CAMTA1: variants seen among roughly 807,000 people sequenced by gnomAD.
CAMTA1 encodes the protein calmodulin-binding transcription activator 1.
In CAMTA1, 27 loss-of-function variants were observed where a neutral mutation model predicts 170.9. The ratio of observed to expected loss-of-function variants is 0.16; its 90% CI spans 0.12 to 0.22. The LOEUF (loss-of-function observed/expected upper bound fraction) is 0.22, where lower values mean the gene tolerates loss of function less well. CAMTA1 is among the 10% of genes least tolerant of loss of function. The pLI is 1.00. For synonymous variants in CAMTA1, 833 were observed against 891.5 expected (o/e 0.93, Z 1.17); for missense variants, 1,619 against 2,217.2 (o/e 0.73, Z 5.42).
chr1:7,542,645 G>T (rs1196332528), intron 6 of CAMTA1, among the ~76,000 whole-genome samples: 2 of 91,616 alleles, frequency 2.2e-5, no homozygotes, highest in East Asian at 6.6e-4. Flanking sequence ...TTACAGGTGT[G>T]TGCCTCCTGA....
At chr1:6,903,422 C>G (rs1677576121) in intron 3 of CAMTA1, among the ~76,000 whole-genome samples, 1 of 152,090 alleles carries the variant, frequency 6.6e-6, no homozygotes, top group Non-Finnish European at 1.5e-5. Context: ...TATTTAAAAC[C>G]CACTTTTACA....
At chr1:6,922,830 C>A (rs1258218410) in intron 3 of CAMTA1, among the ~76,000 whole-genome samples, 2 of 151,702 alleles carry the variant, frequency 1.3e-5, no homozygotes, top group Non-Finnish European at 2.9e-5. Flanking sequence ...TCCAAAGCGC[C>A]CTAGGGAGGG....
intron 4 of CAMTA1, among the ~76,000 whole-genome samples, chr1:7,103,479 CTA>C (rs1643021830): frequency 6.9e-6 from 1 of 144,636 alleles, no homozygotes; most frequent in Admixed American, 6.9e-5. Flanking sequence ...ACAACACACA[CTA>C]CACACGTACA....
chr1:6,992,227 G>T (rs1487294354), intron 3 of CAMTA1, among the ~76,000 whole-genome samples: 1 of 151,828 alleles, frequency 6.6e-6, no homozygotes, highest in Non-Finnish European at 1.5e-5. Flanking sequence ...ACACCACCAG[G>T]CCGGCTAATT....
At chr1:6,832,317 T>G (rs981494958) in intron 3 of CAMTA1, among the ~76,000 whole-genome samples, 1 of 152,292 alleles carries the variant, frequency 6.6e-6, no homozygotes, top group African/African-American at 2.4e-5. Flanking sequence ...GCTCAAGCAA[T>G]CTGCTTGCCT....
At chr1:7,418,865 G>A (rs2091374322) in intron 5 of CAMTA1, among the ~76,000 whole-genome samples, 1 of 152,084 alleles carries the variant, frequency 6.6e-6, no homozygotes, top group African/African-American at 2.4e-5. Flanking sequence ...GCATGCTGCC[G>A]GGACCCGAAT....
At chr1:7,666,696 C>T (rs1558089768) in intron 9 of CAMTA1, among the ~76,000 whole-genome samples, 1 of 152,192 alleles carries the variant, frequency 6.6e-6, no homozygotes, top group Non-Finnish European at 1.5e-5. Context: ...GGCTGGAGAA[C>T]ACCAAAGAAG....
At chr1:6,898,106 T>A (rs1676054491) in intron 3 of CAMTA1, among the ~76,000 whole-genome samples, 1 of 152,244 alleles carries the variant, frequency 6.6e-6, no homozygotes, top group African/African-American at 2.4e-5. Context: ...GTCTTGGTAC[T>A]TCAGTTGGCT....
At chr1:7,597,742 C>A (rs926908888) in intron 6 of CAMTA1, among the ~76,000 whole-genome samples, 2 of 152,078 alleles carry the variant, frequency 1.3e-5, no homozygotes, top group Non-Finnish European at 2.9e-5. Flanking sequence ...TGCATAAGAC[C>A]TTCAATGATT....
chr1:7,085,819 C>T (rs1640661671), intron 3 of CAMTA1, among the ~76,000 whole-genome samples: 1 of 152,216 alleles, frequency 6.6e-6, no homozygotes, highest in African/African-American at 2.4e-5. Context: ...TCTATCAAAA[C>T]CCATCAGCTT....
rs762565840 is a variant in CAMTA1 at position 7,696,220 on chromosome 1, G to A, written c.2914+18487G>A. On this transcript the variant is annotated intron_variant, in intron 11 of 22. Coordinates refer to ENST00000303635, the MANE Select transcript of CAMTA1 (RefSeq NM_015215.4). ...GCTGTTTTGTTTTGTTTTTTGATAC[G>A]GAGTCTCACACTGTCACCCAGGCCA... Among the ~76,000 whole-genome samples the A allele has an allele frequency of 1.9e-4, 29 of 151,814 alleles. 1 individual carries two copies. The highest frequency in any genetic ancestry group is 2.6e-4 in the Non-Finnish European group (18 of 67,974).
chr1:7,499,139 CGTGT>C (rs2093913485), intron 6 of CAMTA1, among the ~76,000 whole-genome samples: 1 of 117,122 alleles, frequency 8.5e-6, no homozygotes, highest in African/African-American at 3.2e-5. Flanking sequence ...TCCTGGTGTG[CGTGT>C]GTACGTATAT....
At chr1:7,049,055 A>G (rs1320903921) in intron 3 of CAMTA1, among the ~76,000 whole-genome samples, 3 of 152,256 alleles carry the variant, frequency 2.0e-5, no homozygotes, top group Admixed American at 6.5e-5. Flanking sequence ...GATACGGTAC[A>G]TGAGGAAAAT....
intron 6 of CAMTA1, among the ~76,000 whole-genome samples, chr1:7,568,338 A>T (rs1208985623): frequency 6.8e-6 from 1 of 147,718 alleles, no homozygotes; most frequent in African/African-American, 2.6e-5. Flanking sequence ...CACCAGCATC[A>T]TCACCACATC....
At chr1:7,323,509 T>C (rs1437223504) in intron 5 of CAMTA1, among the ~76,000 whole-genome samples, 23 of 10,808 alleles carry the variant, frequency 2.1e-3, no homozygotes, top group African/African-American at 4.7e-3. Flanking sequence ...TTATTCTTCT[T>C]TTTTTTTTTT....
At chr1:7,083,433 C>G (rs1208074067) in intron 3 of CAMTA1, among the ~76,000 whole-genome samples, 1 of 152,160 alleles carries the variant, frequency 6.6e-6, no homozygotes, top group African/African-American at 2.4e-5. Context: ...TTGGTTTAGA[C>G]CTGTGGGTGG....
At chr1:7,112,083 T>G (rs1324843923) in intron 4 of CAMTA1, among the ~76,000 whole-genome samples, 2 of 152,100 alleles carry the variant, frequency 1.3e-5, no homozygotes, top group Non-Finnish European at 2.9e-5. Context: ...GGTATCTTAT[T>G]AACCCCTTAT....
At chr1:7,517,546 T>C (rs1287312069) in intron 6 of CAMTA1, among the ~76,000 whole-genome samples, 1 of 119,256 alleles carries the variant, frequency 8.4e-6, no homozygotes, top group African/African-American at 3.0e-5. Context: ...CAAAGTGCTT[T>C]GGTATATATC....
chr1:7,656,380 A>G (rs2095903288), intron 7 of CAMTA1, among the ~76,000 whole-genome samples: 1 of 152,218 alleles, frequency 6.6e-6, no homozygotes, highest in African/African-American at 2.4e-5. Flanking sequence ...CTATCTAGGC[A>G]TAGGCACTCC....
Sources: gnomAD v4.1 joint callset for allele counts (sites outside exome capture counted in the v4.1 genomes callset) on GRCh38, gnomAD v4.1.1 for gene constraint, MANE v1.5 for transcripts, NCBI Gene and HGNC (gene_info 2026-07-23, HGNC 2026-07-21) for gene names.